Variants in SEL1L observed in about 807,000 individuals in gnomAD.
SEL1L encodes SEL1L adaptor subunit of SYVN1 ubiquitin ligase.
SEL1L carries 52 observed loss-of-function variants against 109.8 expected under a neutral mutation model. That is an observed-to-expected ratio of 0.47 (90% CI 0.38 to 0.60). SEL1L has a LOEUF of 0.60. SEL1L is among the 20% of genes least tolerant of loss of function. The pLI, the probability that SEL1L is intolerant of heterozygous loss-of-function variation, is 0.00. For missense variants in SEL1L, 749 were observed against 962.2 expected, an observed-to-expected ratio of 0.78 and a Z score of 2.93; for synonymous variants, 373 against 339.6, an observed-to-expected ratio of 1.10 and a Z score of -1.08.
intron 11 of SEL1L, among the ~76,000 whole-genome samples, chr14:81,493,740 G>T (rs570519294): frequency 6.6e-6 from 1 of 152,122 alleles, no homozygotes; most frequent in South Asian, 2.1e-4. Flanking sequence ...GCTCATCAAG[G>T]CCAGTGATGA....
At chr14:81,530,867 T>C (rs1172368466) in intron 1 of SEL1L, among the ~76,000 whole-genome samples, 1 of 152,216 alleles carries the variant, frequency 6.6e-6, no homozygotes, top group Non-Finnish European at 1.5e-5. Flanking sequence ...AAGCTACAAA[T>C]CTGTACAGCA....
At position 81,475,165 on chromosome 14, in the gene SEL1L, A is replaced by C. The variant is rs1903120398; in HGVS notation, c.*1807T>G. ...CAAAGTACTGTACCAACTGCACTCA[A>C]ATCTCTACATGTAAGAGACCAAACA... On this transcript the variant is annotated 3_prime_UTR_variant, in exon 21 of 21. Coordinates refer to ENST00000336735, the MANE Select transcript of SEL1L (RefSeq NM_005065.6). 1 of 152,222 alleles carries C rather than the reference A, an allele frequency of 6.6e-6. No individual in the cohort carries two copies. The highest frequency in any genetic ancestry group is 1.5e-5 in the Non-Finnish European group (1 of 68,030). The allele number at this position is 152,222 out of a possible 1,614,324, so 9.4% of individuals were successfully genotyped here. A position where few individuals can be genotyped will look rare whatever the true frequency, so the allele number is the denominator to read the frequency against.
At chr14:81,522,262 T>G (rs1411602768) in intron 3 of SEL1L, among the ~76,000 whole-genome samples, 5 of 152,186 alleles carry the variant, frequency 3.3e-5, no homozygotes, top group African/African-American at 1.2e-4. Flanking sequence ...TTATAAAAGT[T>G]TACAGTGGTG....
At chr14:81,524,176 CT>C (rs1885026271) in intron 3 of SEL1L, among the ~76,000 whole-genome samples, 1 of 152,082 alleles carries the variant, frequency 6.6e-6, no homozygotes, top group Non-Finnish European at 1.5e-5. Context: ...TTTGCAACCC[CT>C]AATAATTAAA....
rs969337711 is a variant in SEL1L at position 81,504,289 on chromosome 14, T to C, written c.526A>G (p.Lys176Glu). The C allele has an allele frequency of 2.2e-5, 35 of 1,595,602 alleles. No homozygotes were observed. Among genetic ancestry groups the C allele is most frequent in the Non-Finnish European group, 2.9e-5 (34 of 1,171,546 alleles). ...TCTGCTTCCTGCATCTGCCGTCTCT[T>C]AGCAGCCTCTTCTTCAGCTAAAAAC... is the stretch of plus-strand genomic sequence containing the variant. ...GFCETEEEAA[K>E]RRQMQEAEMM... The change falls in exon 5 of 21, where the codon AAG becomes GAG. Residue 176 changes from lysine to glutamate, a missense_variant. Physicochemically the swap from Lys to Glu is moderately conservative, Grantham distance 56 (BLOSUM62 1). Around this residue, in one of 2 missense-constraint regions of SEL1L, gnomAD observed 366 missense variants for 399.8 expected, o/e 0.92. Transcript: ENST00000336735.
At chr14:81,528,791 ATACTT>A (rs1210958620) in intron 1 of SEL1L, among the ~76,000 whole-genome samples, 1 of 152,166 alleles carries the variant, frequency 6.6e-6, no homozygotes, top group African/African-American at 2.4e-5. Context: ...GTTGTCATTT[ATACTT>A]TACTTCATAT....
chr14:81,518,297 TAA>T (rs1178393055), intron 3 of SEL1L, among the ~76,000 whole-genome samples: 135 of 142,112 alleles, frequency 9.5e-4, no homozygotes, highest in Admixed American at 3.7e-3. Context: ...TGCAGCTGAT[TAA>T]AAAAAAAAAA....
At chr14:81,511,109 A>G (rs1320142033) in intron 3 of SEL1L, among the ~76,000 whole-genome samples, 1 of 152,244 alleles carries the variant, frequency 6.6e-6, no homozygotes, top group Non-Finnish European at 1.5e-5. Flanking sequence ...TGCTTTCACC[A>G]AAAGTTGAAA....
intron 3 of SEL1L, among the ~76,000 whole-genome samples, chr14:81,507,739 G>A (rs1201484518): frequency 6.6e-6 from 1 of 151,956 alleles, no homozygotes; most frequent in African/African-American, 2.4e-5. Flanking sequence ...TGCATGAGAG[G>A]TATATGAGAA....
At chr14:81,482,562 T>G (rs578207014) in intron 19 of SEL1L, among the ~76,000 whole-genome samples, 1 of 152,108 alleles carries the variant, frequency 6.6e-6, no homozygotes, top group Non-Finnish European at 1.5e-5. Context: ...TAAGTCTAAT[T>G]TGGGACACTG....
chr14:81,511,892 A>C (rs1318242292), intron 3 of SEL1L, among the ~76,000 whole-genome samples: 4 of 152,254 alleles, frequency 2.6e-5, no homozygotes, highest in Non-Finnish European at 4.4e-5. Flanking sequence ...AACAGTAAGA[A>C]AGTATACAAA....
rs1357832111 is a variant in SEL1L at position 81,477,116 on chromosome 14, G to A, written c.2241C>T (p.Leu747=). 1.1e-5 allele frequency: 17 copies of A among 1,614,042 alleles called. No homozygotes were observed. Among genetic ancestry groups the A allele is most frequent in the Non-Finnish European group, 1.4e-5 (17 of 1,180,038 alleles). ...CCAACAGCAGCGCAATGATGGTCAT[G>A]AGGTAAAGGTCCCACTCAGGTCCCA... The part of the protein sequence containing the change: ...QLLGPEWDLY[L]MTIIALLLGT... Residue 747 remains leucine (L), a synonymous_variant, in exon 21 of 21, where the codon CTC becomes CTT. Coordinates refer to ENST00000336735, the MANE Select transcript of SEL1L (RefSeq NM_005065.6).
chr14:81,514,761 A>T (rs1041324689), intron 3 of SEL1L, among the ~76,000 whole-genome samples: 1 of 152,128 alleles, frequency 6.6e-6, no homozygotes, highest in Non-Finnish European at 1.5e-5. Flanking sequence ...CTCACCCTTG[A>T]AATGCATCCT....
At chr14:81,509,001 A>G (rs754878515) in intron 3 of SEL1L, among the ~76,000 whole-genome samples, 2 of 152,248 alleles carry the variant, frequency 1.3e-5, no homozygotes, top group Admixed American at 1.3e-4. Context: ...AAGAATCCTC[A>G]GGAGGCACTT....
chr14:81,494,169 C>T (rs1883649032), intron 11 of SEL1L, among the ~76,000 whole-genome samples: 1 of 152,216 alleles, frequency 6.6e-6, no homozygotes, highest in African/African-American at 2.4e-5. Flanking sequence ...CAACTTGCTT[C>T]TCCTCCAGCA....
At chr14:81,531,989 G>A (rs1379442680) in intron 1 of SEL1L, among the ~76,000 whole-genome samples, 1 of 152,182 alleles carries the variant, frequency 6.6e-6, no homozygotes, top group African/African-American at 2.4e-5. Flanking sequence ...ATGGAAATCA[G>A]AGCAGACATT....
intron 17 of SEL1L, 145 bp from the exon 18 acceptor site, chr14:81,485,891 T>C: frequency 1.4e-6 from 1 of 690,600 alleles, no homozygotes; most frequent in Non-Finnish European, 2.4e-6. Flanking sequence ...TGAAATTAAT[T>C]ACTGAACTAA....
At chr14:81,533,533 A>T in intron 1 of SEL1L, 142 bp downstream of exon 1, 1 of 780,112 alleles carries the variant, frequency 1.3e-6, no homozygotes, top group Non-Finnish European at 2.1e-6. Flanking sequence ...GGCCAAGCAA[A>T]GCCAAAGAGC....
At chr14:81,503,291 T>G (rs1465399563) in intron 5 of SEL1L, among the ~76,000 whole-genome samples, 2 of 152,348 alleles carry the variant, frequency 1.3e-5, no homozygotes, top group East Asian at 3.9e-4. Flanking sequence ...CCTCTGATAA[T>G]CTTATTTCTA....
Sources: allele counts gnomAD v4.1 joint callset (sites outside exome capture counted in the v4.1 genomes callset), GRCh38; gene constraint gnomAD v4.1.1; regional missense constraint gnomAD v4.1.1; transcripts MANE v1.5; gene names NCBI Gene and HGNC (gene_info 2026-07-23, HGNC 2026-07-21).